SUGCT: variants seen among roughly 807,000 people sequenced by gnomAD.
SUGCT encodes the protein succinyl-CoA:glutarate CoA-transferase.
Under a neutral mutation model 55.0 loss-of-function variants are expected in SUGCT, and 41 were observed. The ratio of observed to expected loss-of-function variants is 0.74; its 90% CI spans 0.58 to 0.97. The LOEUF is 0.97. Ranked by LOEUF, SUGCT falls within the 50% of genes least tolerant of loss-of-function variation. The probability of loss-of-function intolerance (pLI) is 0.00; values close to 1 mark genes in which losing one functional copy is unlikely to be tolerated. For synonymous variants in SUGCT, 187 were observed against 200.4 expected (o/e 0.93, Z 0.56); for missense variants, 568 against 547.8 (o/e 1.04, Z -0.37).
At chr7:40,993,041 G>A in the SUGCT span, among the ~76,000 whole-genome samples, 6 of 152,102 alleles carry the variant, frequency 3.9e-5, no homozygotes, top group Non-Finnish European at 7.4e-5. Context: ...TTGGATATGT[G>A]CATAAATCAC....
chr7:40,299,648 C>CAA (rs66695626), intron 8 of SUGCT, among the ~76,000 whole-genome samples: 85 of 148,254 alleles, frequency 5.7e-4, no homozygotes, highest in South Asian at 8.5e-4. Context: ...CTATGTAGGC[C>CAA]AAAAAAAAAA....
chr7:40,423,563 C>G (rs1391495052), intron 9 of SUGCT, among the ~76,000 whole-genome samples: 3 of 152,016 alleles, frequency 2.0e-5, no homozygotes, highest in African/African-American at 7.2e-5. Context: ...AAAATTTTTA[C>G]TAAGAACACA....
chr7:40,165,389 G>A (rs1784369177), intron 1 of SUGCT, among the ~76,000 whole-genome samples: 1 of 151,956 alleles, frequency 6.6e-6, no homozygotes, highest in African/African-American at 2.4e-5. Context: ...TAAACCCCAG[G>A]GCCAAGTACC....
intron 8 of SUGCT, among the ~76,000 whole-genome samples, chr7:40,281,431 G>A (rs1792945261): frequency 6.6e-6 from 1 of 152,212 alleles, no homozygotes; most frequent in Non-Finnish European, 1.5e-5. Context: ...ACGAAAAATA[G>A]AAGGTTATAG....
At chr7:40,548,566 A>G (rs1286256807) in intron 12 of SUGCT, among the ~76,000 whole-genome samples, 3 of 152,150 alleles carry the variant, frequency 2.0e-5, no homozygotes, top group African/African-American at 4.8e-5. Flanking sequence ...CAGCAGATAC[A>G]GAATTTCTCA....
chr7:40,920,787 G>A, the SUGCT span, among the ~76,000 whole-genome samples: 3 of 152,206 alleles, frequency 2.0e-5, no homozygotes, highest in Non-Finnish European at 4.4e-5. Flanking sequence ...GACACAGCAT[G>A]AGAGAATGTA....
the SUGCT span, among the ~76,000 whole-genome samples, chr7:40,890,257 TTATATTA>T: frequency 6.9e-6 from 1 of 143,936 alleles, no homozygotes; most frequent in East Asian, 1.9e-4. Context: ...TATTATATAT[TTATATTA>T]TATAATATAA....
At chr7:40,539,441 G>A (rs895108955) in intron 12 of SUGCT, 1 of 152,182 alleles carries the variant, frequency 6.6e-6, no homozygotes, top group Non-Finnish European at 1.5e-5. Context: ...ATGCTGTGTA[G>A]TCCAGCACAT....
chr7:40,983,493 C>T, the SUGCT span, among the ~76,000 whole-genome samples: 5 of 152,250 alleles, frequency 3.3e-5, no homozygotes, highest in East Asian at 3.9e-4. Context: ...AAAGTCCTGC[C>T]GGCACTGGAT....
chr7:40,220,498 C>A (rs546083417), intron 6 of SUGCT, among the ~76,000 whole-genome samples: 3 of 152,006 alleles, frequency 2.0e-5, no homozygotes, highest in African/African-American at 7.2e-5. Flanking sequence ...AGTGATAGTC[C>A]CTGAGTAACA....
chr7:40,886,480 G>A, the SUGCT span, among the ~76,000 whole-genome samples: 2 of 152,180 alleles, frequency 1.3e-5, no homozygotes, highest in African/African-American at 4.8e-5. Flanking sequence ...TTCCACAGTG[G>A]CTAAATAAGT....
chr7:40,988,926 A>G, the SUGCT span, among the ~76,000 whole-genome samples: 1 of 152,088 alleles, frequency 6.6e-6, no homozygotes, highest in South Asian at 2.1e-4. Flanking sequence ...TCTCCTCAGT[A>G]TATAGGCAGG....
chr7:40,449,217 T>C, intron 9 of SUGCT, 70 bp from the exon 10 acceptor site: 1 of 1,001,540 alleles, frequency 1.0e-6, no homozygotes, highest in South Asian at 1.5e-5. Context: ...ATATAGATAT[T>C]TTAGAAATTA....
At chr7:40,232,296 C>G (rs1331608757) in intron 6 of SUGCT, among the ~76,000 whole-genome samples, 1 of 152,134 alleles carries the variant, frequency 6.6e-6, no homozygotes, top group African/African-American at 2.4e-5. Flanking sequence ...TGAACAGATC[C>G]CTGTCGGGAG....
At chr7:40,774,651 G>C (rs116073587) in intron 13 of SUGCT, among the ~76,000 whole-genome samples, 1 of 152,046 alleles carries the variant, frequency 6.6e-6, no homozygotes, top group Non-Finnish European at 1.5e-5. Context: ...CTTGTCTACA[G>C]ATTATAAAGC....
At chr7:40,728,154 T>G in intron 12 of SUGCT, among the ~76,000 whole-genome samples, 1 of 152,214 alleles carries the variant, frequency 6.6e-6, no homozygotes, top group African/African-American at 2.4e-5. Context: ...TTATATAAAT[T>G]TATACCTTTA....
At chr7:40,161,596 G>A (rs1784149662) in intron 1 of SUGCT, among the ~76,000 whole-genome samples, 1 of 152,226 alleles carries the variant, frequency 6.6e-6, no homozygotes, top group Admixed American at 6.5e-5. Context: ...CTTTTGGTCA[G>A]TCTTCTCCGT....
At chr7:40,513,634 T>C (rs560612484) in intron 12 of SUGCT, among the ~76,000 whole-genome samples, 2 of 152,176 alleles carry the variant, frequency 1.3e-5, no homozygotes, top group Non-Finnish European at 2.9e-5. Flanking sequence ...TACTCTACCA[T>C]CCTCTTACAC....
chr7:40,212,771 G>A, intron 6 of SUGCT, among the ~76,000 whole-genome samples: 1 of 152,120 alleles, frequency 6.6e-6, no homozygotes, highest in East Asian at 1.9e-4. Flanking sequence ...TTGACCTCGT[G>A]ATTCACCCAC....
Sources: allele counts gnomAD v4.1 joint callset (sites outside exome capture counted in the v4.1 genomes callset), GRCh38; gene constraint gnomAD v4.1.1; transcripts MANE v1.5; gene names NCBI Gene and HGNC (gene_info 2026-07-23, HGNC 2026-07-21).